GOPC: variants seen among roughly 807,000 people sequenced by gnomAD.
GOPC encodes the protein Golgi-associated PDZ and coiled-coil motif-containing protein.
A neutral mutation model predicts 51.2 loss-of-function variants in GOPC; 32 were observed. The observed-to-expected ratio is 0.63, with a 90% confidence interval of 0.47 to 0.84. The LOEUF (loss-of-function observed/expected upper bound fraction) is 0.84. Ranked by LOEUF, GOPC falls within the 40% of genes least tolerant of loss-of-function variation. The pLI is 0.00. For synonymous variants in GOPC, 190 were observed against 205.1 expected (o/e 0.93, Z 0.63); for missense variants, 441 against 555.5 (o/e 0.79, Z 2.07).
chr6:117,567,088 A>C, intron 7 of GOPC, 54 bp from the exon 8 acceptor site: 4 of 1,351,132 alleles, frequency 3.0e-6, no homozygotes, highest in Non-Finnish European at 4.0e-6. Flanking sequence ...GTAATTTAAA[A>C]AGGATTTCCA....
At chr6:117,577,312 G>C (rs1302576363) in intron 3 of GOPC, 136 bp downstream of exon 3, 1 of 740,476 alleles carries the variant, frequency 1.4e-6, no homozygotes, top group Non-Finnish European at 2.2e-6. Flanking sequence ...GAACTTTTCA[G>C]GTACTGGAAC....
chr6:117,575,066 A>T lies in GOPC; in HGVS notation c.650+111T>A, dbSNP rs557052254. The T allele has an allele frequency of 7.6e-5, 62 of 820,600 alleles. 1 individual carries two copies. The South Asian group carries it at 7.9e-4, about 10-fold the overall frequency. 50.8% of individuals were successfully genotyped at this position (820,600 alleles called of 1,614,324 possible). A position where few individuals can be genotyped will look rare whatever the true frequency, so the allele number is the denominator to read the frequency against. ...TGCACTCCAGCCTGGGCAACAGAGC[A>T]AGACTCCATCTCAAAAAAATAAAAA... On this transcript the variant is annotated intron_variant, in intron 4 of 8. Transcript: ENST00000368498.
At chr6:117,571,015 TA>T (rs1779798280) in intron 5 of GOPC, 60 bp from the exon 6 acceptor site, 3 of 773,450 alleles carry the variant, frequency 3.9e-6, no homozygotes, top group African/African-American at 1.7e-5. Flanking sequence ...CCAAATAGAG[TA>T]AACTCATACT....
At chr6:117,566,683 T>A (rs1024033028) in intron 8 of GOPC, among the ~76,000 whole-genome samples, 171 bp downstream of exon 8, 3 of 152,198 alleles carry the variant, frequency 2.0e-5, no homozygotes, top group Admixed American at 6.5e-5. Flanking sequence ...AGAACATATA[T>A]GGTAAATAAA....
chr6:117,575,516 T>C, intron 3 of GOPC, 164 bp from the exon 4 acceptor site: 1 of 767,072 alleles, frequency 1.3e-6, no homozygotes, highest in Non-Finnish European at 2.4e-6. Flanking sequence ...TACCATAACA[T>C]CTTGGAACTA....
At position 117,569,701 on chromosome 6, in the gene GOPC, A is replaced by G. The variant is rs1438193865; in HGVS notation, c.948T>C (p.Ser316=). Residue 316 remains serine, a synonymous_variant, in exon 7 of 9, where the codon TCT becomes TCC. Transcript: ENST00000368498. ...GKEHGVPILI[S]EIHPGQPADR... is the part of the protein sequence containing the mutation. ...CAGCAGGTTGCCCCGGATGGATCTC[A>G]GAGATGAGGATTGGAACACCATGTT... The G allele has an allele frequency of 1.2e-6, 2 of 1,607,036 alleles. No individual in the cohort carries two copies. The highest frequency in any genetic ancestry group is 1.7e-6 in the Non-Finnish European group (2 of 1,177,486).
intron 1 of GOPC, among the ~76,000 whole-genome samples, chr6:117,591,905 GAAT>G: frequency 6.6e-6 from 1 of 152,148 alleles, no homozygotes; most frequent in East Asian, 1.9e-4. Flanking sequence ...GGTTTGGAAG[GAAT>G]AATGATTAGG....
chr6:117,564,689 A>G (rs1268486925), intron 8 of GOPC, among the ~76,000 whole-genome samples: 1 of 152,214 alleles, frequency 6.6e-6, no homozygotes, highest in Non-Finnish European at 1.5e-5. Context: ...CATATGTGAC[A>G]GAGAAGACTT....
chr6:117,592,961 T>C (rs926635280), intron 1 of GOPC, among the ~76,000 whole-genome samples: 2 of 152,236 alleles, frequency 1.3e-5, no homozygotes, highest in Non-Finnish European at 2.9e-5. Flanking sequence ...CTTGTCTGTA[T>C]AACAAACTCC....
chr6:117,580,369 T>G (rs1024315320), intron 1 of GOPC, among the ~76,000 whole-genome samples: 4 of 152,100 alleles, frequency 2.6e-5, no homozygotes, highest in Non-Finnish European at 1.5e-5. Flanking sequence ...ATCCATGGCT[T>G]TGACTATTCT....
rs973554957 is a variant in GOPC at position 117,592,539 on chromosome 6, C to T, written c.285+9465G>A. On this transcript the variant is annotated intron_variant, in intron 1 of 8. Transcript: ENST00000368498. ...GTTGGCAATCACTGGCATCCCTTGGCTTGTAGATACATCACTCCAATCTCT... is the reference window on the plus strand; with the variant it reads ...GTTGGCAATCACTGGCATCCCTTGGTTTGTAGATACATCACTCCAATCTCT... Among the ~76,000 whole-genome samples the T allele has an allele frequency of 3.9e-5, 6 of 152,146 alleles. No individual in the cohort carries two copies. In the South Asian group the frequency reaches 1.0e-3, roughly 26 times the overall value.
At position 117,562,994 on chromosome 6, in the gene GOPC, C is replaced by A. The variant is rs1779617055; in HGVS notation, c.*260G>T. On this transcript the variant is annotated 3_prime_UTR_variant, in exon 9 of 9. Coordinates refer to ENST00000368498, the MANE Select transcript of GOPC (RefSeq NM_020399.4). ...TTGGTACTTAAGAGCCCAGTAATACCCCTTTGGGAAACACATGCTTTGGTG... is the reference window on the plus strand; with the variant it reads ...TTGGTACTTAAGAGCCCAGTAATACACCTTTGGGAAACACATGCTTTGGTG... 3 of 422,538 alleles carry A rather than the reference C, an allele frequency of 7.1e-6. No individual in the cohort carries two copies. Among genetic ancestry groups the A allele is most frequent in the Admixed American group, 4.1e-5 (1 of 24,634 alleles). 26.2% of individuals were successfully genotyped at this position (422,538 alleles called of 1,614,324 possible).
At position 117,560,969 on chromosome 6, in the gene GOPC, C is replaced by A. The variant is rs1416626383; in HGVS notation, c.*2285G>T. 9.4e-6 allele frequency: 2 copies of A among 212,594 alleles called. No homozygotes were observed. The highest frequency in any genetic ancestry group is 4.5e-5 in the African/African-American group (2 of 44,140). 13.2% of individuals were successfully genotyped at this position (212,594 alleles called of 1,614,324 possible). On this transcript the variant is annotated 3_prime_UTR_variant, in exon 9 of 9. Coordinates refer to ENST00000368498, the MANE Select transcript of GOPC (RefSeq NM_020399.4). ...AAAATTGGTTCTCAGTCCTTTGGAA[C>A]TAATAACTAATTCTTAGTTCATCCC...
chr6:117,570,981 A>G (rs1190577604), intron 5 of GOPC, 26 bp from the exon 6 acceptor site: 2 of 1,208,620 alleles, frequency 1.7e-6, no homozygotes, highest in Non-Finnish European at 1.2e-6. Context: ...AAAGAAGAAA[A>G]AGTAGTATCA....
intron 1 of GOPC, among the ~76,000 whole-genome samples, chr6:117,582,131 A>G (rs210644): frequency 0.19 from 28,879 of 150,922 alleles, 2,940 homozygotes; most frequent in Non-Finnish European, 0.21. Context: ...ATGTTTATTG[A>G]CCATTTGAAT....
At chr6:117,579,191 T>C in intron 1 of GOPC, 127 bp from the exon 2 acceptor site, 1 of 696,836 alleles carries the variant, frequency 1.4e-6, no homozygotes, top group East Asian at 3.0e-5. Flanking sequence ...TAGAATAATA[T>C]TATCCAAGAT....
intron 1 of GOPC, among the ~76,000 whole-genome samples, chr6:117,593,773 T>A (rs779559008): frequency 6.6e-6 from 1 of 152,154 alleles, no homozygotes; most frequent in African/African-American, 2.4e-5. Context: ...ATATAACACA[T>A]TCATCTATCT....
chr6:117,572,042 T>C (rs1779814757), intron 5 of GOPC, among the ~76,000 whole-genome samples: 1 of 152,156 alleles, frequency 6.6e-6, no homozygotes, highest in Non-Finnish European at 1.5e-5. Flanking sequence ...GTTTCAAGTA[T>C]AATAGAAGGA....
intron 5 of GOPC, 129 bp downstream of exon 5, chr6:117,573,338 G>T: frequency 9.3e-7 from 1 of 1,072,432 alleles, no homozygotes; most frequent in Non-Finnish European, 1.3e-6. Flanking sequence ...CTTTGAATAA[G>T]TTGAATCCCA....
Sources: allele counts gnomAD v4.1 joint callset (sites outside exome capture counted in the v4.1 genomes callset), GRCh38; gene constraint gnomAD v4.1.1; transcripts MANE v1.5; gene names NCBI Gene and HGNC (gene_info 2026-07-23, HGNC 2026-07-21).